The following ENSA variants were observed in gnomAD, a reference collection of about 807,000 sequenced individuals.
The protein encoded by ENSA is endosulfine alpha, also known as alpha-endosulfine.
ENSA carries 7 observed loss-of-function variants against 16.8 expected under a neutral mutation model. That is an observed-to-expected ratio of 0.42 (90% CI 0.24 to 0.78). The LOEUF (loss-of-function observed/expected upper bound fraction) is 0.78. Ranked by LOEUF, ENSA falls within the 30% of genes least tolerant of loss-of-function variation. ENSA has a pLI of 0.29. For missense variants in ENSA, 87 were observed against 142.3 expected (o/e 0.61, Z 1.98); for synonymous variants, 58 against 53.4 (o/e 1.09, Z -0.37).
chr1:150,626,411 C>A, intron 2 of ENSA: 1 of 1,492,674 alleles, frequency 6.7e-7, no homozygotes, highest in South Asian at 1.1e-5. Flanking sequence ...AAATGCAAAT[C>A]AGCATCACAT....
rs1053826399 is a variant in ENSA at position 150,629,560 on chromosome 1, G to A, written c.-90C>T. On this transcript the variant is annotated 5_prime_UTR_variant, in exon 1 of 4. Transcript: ENST00000369014. ...GGAAACGGGGACAACCTGCGCTGCTGCTTCGGCTCCTGTCACTAGGGTTGC... is the reference window on the plus strand; with the variant it reads ...GGAAACGGGGACAACCTGCGCTGCTACTTCGGCTCCTGTCACTAGGGTTGC... 1.3e-6 allele frequency: 2 copies of A among 1,507,408 alleles called. No homozygotes were observed. The highest frequency in any genetic ancestry group is 4.0e-5 in the Admixed American group (2 of 50,042). 93.4% of individuals were successfully genotyped at this position (1,507,408 alleles called of 1,614,324 possible).
intron 1 of ENSA, 187 bp downstream of exon 1, chr1:150,629,227 G>T: frequency 6.5e-7 from 1 of 1,549,108 alleles, no homozygotes; most frequent in Non-Finnish European, 8.8e-7. Context: ...ACAGTACTGA[G>T]TGACAAACGA....
chr1:150,625,253 G>A (rs587751580), intron 3 of ENSA: 5 of 994,546 alleles, frequency 5.0e-6, no homozygotes, highest in East Asian at 2.1e-4. Context: ...TCCCAACTAC[G>A]TTAGGTTAGC....
Position 150,624,531 on chromosome 1 carries a change from T to G in ENSA, c.350+1111A>C, listed in dbSNP as rs142896422. 2,242 of 985,892 alleles carry G rather than the reference T, an allele frequency of 2.3e-3. 42 individuals are homozygous for G. The African/African-American group carries it at 0.037, about 16-fold the overall frequency. 61.1% of individuals were successfully genotyped at this position (985,892 alleles called of 1,614,324 possible). A position where few individuals can be genotyped will look rare whatever the true frequency, so the allele number is the denominator to read the frequency against. On this transcript the variant is annotated intron_variant, in intron 3 of 3. Coordinates refer to ENST00000369014, the MANE Select transcript of ENSA (RefSeq NM_004436.4). ...AAGGCCCAGAGGTAGGCTGGGAAAG[T>G]GGGCTGGGTCAGAGGCAAGAAGCTT...
chr1:150,627,742 T>TA (rs1485954118), intron 1 of ENSA, 150 bp from the exon 2 acceptor site: 1 of 875,256 alleles, frequency 1.1e-6, no homozygotes, highest in Admixed American at 2.9e-5. Context: ...AGACCTTTGT[T>TA]AAAATCCCTA....
In ENSA at chr1:150,626,615, G is replaced by A. The variant is rs1015088421; in HGVS notation, c.184-807C>T. On this transcript the variant is annotated intron_variant, in intron 2 of 3. Transcript: ENST00000369014. ...TATGTTGCCCAGGCTGGAGTGCAGT[G>A]GCACGATCTCGGCTCACTGCAAGCT... 38 of 966,732 alleles carry A rather than the reference G, an allele frequency of 3.9e-5. 1 individual carries two copies. The Middle Eastern group carries it at 2.3e-3, about 60-fold the overall frequency. The allele number at this position is 966,732 out of a possible 1,614,324, so 59.9% of individuals were successfully genotyped here.
At chr1:150,623,159 G>C (rs1365950373) in intron 3 of ENSA, 3 of 1,199,358 alleles carry the variant, frequency 2.5e-6, no homozygotes, top group Non-Finnish European at 3.1e-6. Flanking sequence ...TTCCAGGTGG[G>C]TAAGCTGCCT....
In ENSA at chr1:150,625,954, G is replaced by C. The variant is rs1448388368; in HGVS notation, c.184-146C>G. The C allele has an allele frequency of 4.5e-6, 6 of 1,332,464 alleles. No homozygotes were observed. In the African/African-American group the frequency reaches 6.0e-5, roughly 13 times the overall value. The allele number at this position is 1,332,464 out of a possible 1,614,324, so 82.5% of individuals were successfully genotyped here. ...CCTTGATTAACCTCATGCATACACA[G>C]TTTAACATTAATTACATGTACTTAT... On this transcript the variant is annotated intron_variant, in intron 2 of 3. Transcript: ENST00000369014.
chr1:150,624,719 G>A (rs1649181706), intron 3 of ENSA: 1 of 985,428 alleles, frequency 1.0e-6, no homozygotes, highest in Non-Finnish European at 1.2e-6. Context: ...ACAGAGCAGA[G>A]GTTCACCACC....
intron 2 of ENSA, chr1:150,627,121 T>C (rs2101746369): frequency 2.1e-6 from 3 of 1,414,990 alleles, no homozygotes; most frequent in Non-Finnish European, 2.8e-6. Flanking sequence ...TCCCAAAATT[T>C]ATCTCTAATG....
At position 150,627,497 on chromosome 1, in the gene ENSA, G is replaced by A. The variant is rs150572364; in HGVS notation, c.153C>T (p.Ser51=). ...YPSLGQKPGG[S]DFLMKRLQKG... ...TCTGGAGTCTCTTCATGAGGAAGTCGGAGCCTCCAGGCTTTTGTCCTAGGC... is the reference window on the plus strand; with the variant it reads ...TCTGGAGTCTCTTCATGAGGAAGTCAGAGCCTCCAGGCTTTTGTCCTAGGC... The change falls in exon 2 of 4, where the codon TCC becomes TCT. Residue 51 remains serine, a synonymous_variant. Transcript: ENST00000369014. The A allele has an allele frequency of 1.7e-5, 27 of 1,614,186 alleles. No homozygotes were observed. Among genetic ancestry groups the A allele is most frequent in the East Asian group, 8.9e-5 (4 of 44,882 alleles).
At chr1:150,626,488 CGCACAGAGAA>C in intron 2 of ENSA, 1 of 1,613,394 alleles carries the variant, frequency 6.2e-7, no homozygotes, top group Non-Finnish European at 8.5e-7. Flanking sequence ...CCATTTCATC[CGCACAGAGAA>C]GCACACTCCA....
intron 1 of ENSA, chr1:150,629,023 G>C: frequency 6.2e-7 from 1 of 1,608,308 alleles, no homozygotes; most frequent in South Asian, 1.1e-5. Flanking sequence ...TTTGCGGATT[G>C]AGGCTGCGGG....
In ENSA at chr1:150,622,879, A is replaced by T; in HGVS notation, c.351-20T>A. 1.3e-6 allele frequency: 1 copy of T among 757,346 alleles called. No individual in the cohort carries two copies. Among genetic ancestry groups the T allele is most frequent in the Non-Finnish European group, 1.9e-6 (1 of 532,662 alleles). 46.9% of individuals were successfully genotyped at this position (757,346 alleles called of 1,614,324 possible). A position where few individuals can be genotyped will look rare whatever the true frequency, so the allele number is the denominator to read the frequency against. On this transcript the variant is annotated intron_variant, in intron 3 of 3. Coordinates refer to ENST00000369014, the MANE Select transcript of ENSA (RefSeq NM_004436.4). The stretch of plus-strand genomic sequence containing the variant: ...TGGCCACTGCGGACGAACACAGAAG[A>T]AAAAAAAAAAAAACAACACTGTCAA...
Position 150,622,767 on chromosome 1 carries a change from G to GGGGCAGGAGCCA in ENSA, c.*65_*76dup. On this transcript the variant is annotated 3_prime_UTR_variant, in exon 4 of 4. Coordinates refer to ENST00000369014, the MANE Select transcript of ENSA (RefSeq NM_004436.4). ...TGACCCCTGGCTGCAAAAGCAGGAA[G>GGGGCAGGAGCCA]GGGCAGGAGCCAGCACAGGACCCGG... 2 of 1,489,682 alleles carry GGGGCAGGAGCCA rather than the reference G, an allele frequency of 1.3e-6. No individual in the cohort carries two copies. Among genetic ancestry groups the GGGGCAGGAGCCA allele is most frequent in the East Asian group, 5.0e-5 (2 of 40,312 alleles). 92.3% of individuals were successfully genotyped at this position (1,489,682 alleles called of 1,614,324 possible).
chr1:150,629,040 C>T (rs200916561), intron 1 of ENSA: 1 of 1,613,964 alleles, frequency 6.2e-7, no homozygotes, highest in Non-Finnish European at 8.5e-7. Context: ...CGGGCCCCAG[C>T]CCGGTTGCTG....
intron 3 of ENSA, chr1:150,624,337 C>T: frequency 1.0e-6 from 1 of 985,906 alleles, no homozygotes; most frequent in Non-Finnish European, 1.2e-6. Flanking sequence ...TCCTCCAGCC[C>T]TGCAGGAGTA....
intron 2 of ENSA, 110 bp from the exon 3 acceptor site, chr1:150,625,918 CAAG>C (rs2101742176): frequency 6.9e-7 from 1 of 1,447,444 alleles, no homozygotes; most frequent in South Asian, 1.6e-5. Context: ...TCGGATCTTT[CAAG>C]AAGTCTTCCT....
intron 3 of ENSA, chr1:150,625,242 T>C: frequency 1.0e-6 from 1 of 991,682 alleles, no homozygotes; most frequent in Non-Finnish European, 1.2e-6. Context: ...CAATCTACCT[T>C]TCCCAACTAC....
Sources: gnomAD v4.1 joint callset for allele counts on GRCh38, gnomAD v4.1.1 for gene constraint, MANE v1.5 for transcripts, NCBI Gene and HGNC (gene_info 2026-07-23, HGNC 2026-07-21) for gene names.